Variants in ATP8B4 observed in about 807,000 individuals in gnomAD.
The protein encoded by ATP8B4 is probable phospholipid-transporting ATPase IM.
A neutral mutation model predicts 145.6 loss-of-function variants in ATP8B4; 133 were observed. The observed-to-expected ratio is 0.91, with a 90% CI of 0.79 to 1.05. The LOEUF (loss-of-function observed/expected upper bound fraction) is 1.05, where lower values mean the gene tolerates loss of function less well. ATP8B4 is among the 50% of genes least tolerant of loss of function. The probability of loss-of-function intolerance (pLI) is 0.00; values close to 1 mark genes in which losing one functional copy is unlikely to be tolerated. For missense variants in ATP8B4, 1,458 were observed against 1,425.2 expected (o/e 1.02, Z -0.37); for synonymous variants, 507 against 492.9 (o/e 1.03, Z -0.38).
chr15:50,047,566 C>T, intron 3 of ATP8B4, 102 bp from the exon 4 acceptor site: 1 of 748,394 alleles, frequency 1.3e-6, no homozygotes, highest in Non-Finnish European at 2.3e-6. Flanking sequence ...GAAAGATAAG[C>T]CGGTTATCTA....
intron 1 of ATP8B4, among the ~76,000 whole-genome samples, chr15:50,130,572 C>T (rs1408824069): frequency 5.3e-5 from 8 of 151,754 alleles, no homozygotes; most frequent in African/African-American, 1.2e-4. Context: ...GTCAGGAGAT[C>T]GAGACCATCC....
At chr15:50,143,878 G>A (rs1057135144) in intron 1 of ATP8B4, among the ~76,000 whole-genome samples, 6 of 152,164 alleles carry the variant, frequency 3.9e-5, no homozygotes, top group African/African-American at 1.2e-4. Flanking sequence ...ACAGGCCTAC[G>A]TTGTAGACTG....
At chr15:50,179,919 C>G (rs1361764149) in intron 1 of ATP8B4, among the ~76,000 whole-genome samples, 1 of 152,186 alleles carries the variant, frequency 6.6e-6, no homozygotes, top group Non-Finnish European at 1.5e-5. Flanking sequence ...CGTGATAAAG[C>G]AAGAGCTGGA....
chr15:49,936,072 T>A (rs1272238548), intron 14 of ATP8B4, among the ~76,000 whole-genome samples: 1 of 152,194 alleles, frequency 6.6e-6, no homozygotes, highest in Non-Finnish European at 1.5e-5. Context: ...TTTTTATTGG[T>A]CTAAAGATTG....
intron 1 of ATP8B4, among the ~76,000 whole-genome samples, chr15:50,158,967 C>A (rs923376405): frequency 2.0e-5 from 3 of 152,204 alleles, no homozygotes; most frequent in Non-Finnish European, 2.9e-5. Context: ...ACAAACACTG[C>A]GGAAGGCCGC....
intron 6 of ATP8B4, among the ~76,000 whole-genome samples, chr15:50,012,997 A>G (rs2048829692): frequency 6.6e-6 from 1 of 152,216 alleles, no homozygotes; most frequent in South Asian, 2.1e-4. Context: ...CTGAATAAGC[A>G]TAAACTGATA....
At chr15:50,042,552 A>G (rs1158749252) in intron 5 of ATP8B4, among the ~76,000 whole-genome samples, 2 of 152,122 alleles carry the variant, frequency 1.3e-5, no homozygotes, top group African/African-American at 2.4e-5. Flanking sequence ...TTCCCCCCTT[A>G]AAGAACCAAA....
rs76203230 is a variant in ATP8B4, at chr15:50,019,439, C to G, written c.363-8522G>C. 1.3e-3 allele frequency among the ~76,000 whole-genome samples: 195 copies of G among 152,328 alleles called. 1 individual carries two copies. The highest frequency in any genetic ancestry group is 4.5e-3 in the African/African-American group (187 of 41,574). On this transcript the variant is annotated intron_variant, in intron 6 of 27. Transcript: ENST00000284509. Reference sequence around the variant, plus strand: ...CACAAACCCACCTAACATTTAAACACCTGTCTTTCATGACATTTTTTACTT... The same window carrying G: ...CACAAACCCACCTAACATTTAAACAGCTGTCTTTCATGACATTTTTTACTT...
intron 7 of ATP8B4, chr15:50,009,657 T>C (rs1283919549): frequency 6.6e-6 from 3 of 454,938 alleles, no homozygotes; most frequent in Admixed American, 4.7e-5. Flanking sequence ...TCCAGGGTAT[T>C]ATTCCTAATC....
chr15:49,899,157 T>G (rs878859587), intron 21 of ATP8B4, among the ~76,000 whole-genome samples: 2 of 152,170 alleles, frequency 1.3e-5, no homozygotes, highest in Admixed American at 1.3e-4. Flanking sequence ...CATGCCAAAT[T>G]GCTTGTTCCT....
intron 5 of ATP8B4, among the ~76,000 whole-genome samples, chr15:50,042,522 T>C (rs1375442698): frequency 6.6e-6 from 1 of 152,162 alleles, no homozygotes; most frequent in Non-Finnish European, 1.5e-5. Flanking sequence ...CTGTTATCAA[T>C]CTAGCTACTG....
At chr15:49,959,290 G>A (rs1449674463) in intron 14 of ATP8B4, among the ~76,000 whole-genome samples, 1 of 151,778 alleles carries the variant, frequency 6.6e-6, no homozygotes, top group Non-Finnish European at 1.5e-5. Flanking sequence ...AAATTTTTAT[G>A]TGTGAAAATA....
At chr15:50,034,134 T>C (rs2050652765) in intron 6 of ATP8B4, among the ~76,000 whole-genome samples, 1 of 152,076 alleles carries the variant, frequency 6.6e-6, no homozygotes, top group Non-Finnish European at 1.5e-5. Flanking sequence ...TTGACAAATA[T>C]CCACACTGCT....
At position 49,987,449 on chromosome 15, in the gene ATP8B4, G is replaced by A; in HGVS notation, c.690C>T (p.Ile230=). 2 of 1,613,844 alleles carry A rather than the reference G, an allele frequency of 1.2e-6. No individual in the cohort carries two copies. The highest frequency in any genetic ancestry group is 1.1e-5 in the South Asian group (1 of 91,076). The change falls in exon 10 of 28, where the codon ATC becomes ATT. Residue 230 remains isoleucine, a synonymous_variant. Coordinates refer to ENST00000284509, the MANE Select transcript of ATP8B4 (RefSeq NM_024837.4). ...TATTTCTCAGGATGCAGCCTCTCAG[G>A]ATTATCTTCTCATTGTTGAGGGAAT... is the stretch of plus-strand genomic sequence containing the variant. ...SKHSLNNEKI[I]LRGCILRNTS...
chr15:49,884,586 A>C (rs2153413630), intron 23 of ATP8B4, among the ~76,000 whole-genome samples: 1 of 148,648 alleles, frequency 6.7e-6, no homozygotes, highest in African/African-American at 2.5e-5. Flanking sequence ...TGGGAGACAG[A>C]AGTGAAATCC....
chr15:50,139,157 A>G (rs573225489), intron 1 of ATP8B4, among the ~76,000 whole-genome samples: 1 of 152,354 alleles, frequency 6.6e-6, no homozygotes, highest in South Asian at 2.1e-4. Context: ...TTGCAGCACT[A>G]TTCACATTAG....
intron 12 of ATP8B4, among the ~76,000 whole-genome samples, chr15:49,977,129 A>G (rs2045736853): frequency 6.6e-6 from 1 of 152,182 alleles, no homozygotes; most frequent in Non-Finnish European, 1.5e-5. Flanking sequence ...TAACCATTCA[A>G]AGCAAATACT....
chr15:50,135,014 T>C (rs1447141048), intron 1 of ATP8B4, among the ~76,000 whole-genome samples: 1 of 152,204 alleles, frequency 6.6e-6, no homozygotes. Context: ...AACCTGAACA[T>C]TGTTAAAAAG....
chr15:50,161,001 C>A (rs1424047588), intron 1 of ATP8B4, among the ~76,000 whole-genome samples: 1 of 152,036 alleles, frequency 6.6e-6, no homozygotes, highest in African/African-American at 2.4e-5. Context: ...GTATTGGGGT[C>A]TATCTCTCTC....
Sources: allele counts gnomAD v4.1 joint callset (sites outside exome capture counted in the v4.1 genomes callset), GRCh38; gene constraint gnomAD v4.1.1; transcripts MANE v1.5; gene names NCBI Gene and HGNC (gene_info 2026-07-23, HGNC 2026-07-21).